Variants in LNX1 observed in about 807,000 individuals in gnomAD.
LNX1 encodes the protein ligand of numb-protein X 1, also known as E3 ubiquitin-protein ligase LNX.
In LNX1, 54 loss-of-function variants were observed where a neutral mutation model predicts 68.4. That is an observed-to-expected ratio of 0.79 (90% CI 0.63 to 0.99). The LOEUF (loss-of-function observed/expected upper bound fraction) is 0.99, where lower values mean the gene tolerates loss of function less well. Ranked by LOEUF, LNX1 falls within the 50% of genes least tolerant of loss-of-function variation. LNX1 has a pLI of 0.00. For synonymous variants in LNX1, 336 were observed against 350.0 expected (o/e 0.96, Z 0.45); for missense variants, 906 against 926.4 (o/e 0.98, Z 0.29).
At position 53,634,950 on chromosome 4, in the gene LNX1, C is replaced by T. The variant is rs116068599; in HGVS notation, c.-215+17218G>A. Among the ~76,000 whole-genome samples the T allele has an allele frequency of 6.5e-3, 982 of 152,036 alleles. 4 individuals are homozygous for T. Among genetic ancestry groups the T allele is most frequent in the African/African-American group, 0.022 (927 of 41,446 alleles). On this transcript the variant is annotated intron_variant, in intron 1 of 2. Transcript: ENST00000507168. ...AATTGATCCTCCTGCCTCAGCTTCCCATGTTGCTGGGACTACAGGTGCACA... is the reference window on the plus strand; with the variant it reads ...AATTGATCCTCCTGCCTCAGCTTCCTATGTTGCTGGGACTACAGGTGCACA...
intron 2 of LNX1, among the ~76,000 whole-genome samples, chr4:53,560,762 G>A (rs1730229555): frequency 6.6e-6 from 1 of 152,194 alleles, no homozygotes; most frequent in Non-Finnish European, 1.5e-5. Context: ...CAAAATCATA[G>A]TAATCCTGGG....
chr4:53,574,021 A>AG lies in LNX1; in HGVS notation c.-20_-19insC. 1 of 1,589,028 alleles carries AG rather than the reference A, an allele frequency of 6.3e-7. No homozygotes were observed. The highest frequency in any genetic ancestry group is 1.3e-5 in the African/African-American group (1 of 74,516). Reference sequence around the variant, plus strand: ...GGTTCATGATGGATTGGAGAGCAGTATAACAGGAAACTCAGTCACACAATA... The same window carrying AG: ...GGTTCATGATGGATTGGAGAGCAGTAGTAACAGGAAACTCAGTCACACAATA... On this transcript the variant is annotated 5_prime_UTR_variant, in exon 2 of 11. Coordinates refer to ENST00000263925, the MANE Select transcript of LNX1 (RefSeq NM_001126328.3).
chr4:53,485,371 T>C (rs985732789), intron 6 of LNX1, among the ~76,000 whole-genome samples: 7 of 152,214 alleles, frequency 4.6e-5, no homozygotes, highest in Non-Finnish European at 1.0e-4. Context: ...TCATAAGAAC[T>C]GAGAAAATTT....
chr4:53,651,105 G>A (rs1735079480), intron 1 of LNX1, among the ~76,000 whole-genome samples: 1 of 152,176 alleles, frequency 6.6e-6, no homozygotes, highest in Non-Finnish European at 1.5e-5. Context: ...CAAGAATCAA[G>A]AACAGACAGT....
At position 53,567,917 on chromosome 4, in the gene LNX1, A is replaced by C. The variant is rs565761531; in HGVS notation, c.380+5706T>G. On this transcript the variant is annotated intron_variant, in intron 2 of 10. Coordinates refer to ENST00000263925, the MANE Select transcript of LNX1 (RefSeq NM_001126328.3). ...CTAGAAGAAATGGATAAATTCCTTG[A>C]CACATACACTCTCCCAAGACTAAAC... Among the ~76,000 whole-genome samples the C allele has an allele frequency of 2.3e-4, 35 of 152,152 alleles. 1 individual carries two copies. The highest frequency in any genetic ancestry group is 7.7e-4 in the African/African-American group (32 of 41,420).
chr4:53,556,021 C>T (rs1729887046), intron 2 of LNX1, among the ~76,000 whole-genome samples: 2 of 152,040 alleles, frequency 1.3e-5, no homozygotes, highest in Admixed American at 1.3e-4. Flanking sequence ...AGTGGTGGCC[C>T]CCAAAAGATG....
intron 2 of LNX1, among the ~76,000 whole-genome samples, chr4:53,567,932 C>G (rs1378933664): frequency 3.9e-5 from 6 of 151,952 alleles, no homozygotes; most frequent in Non-Finnish European, 8.8e-5. Flanking sequence ...TACACTCTCC[C>G]AAGACTAAAC....
chr4:53,532,622 C>A (rs1187466851), intron 2 of LNX1, among the ~76,000 whole-genome samples: 1 of 152,166 alleles, frequency 6.6e-6, no homozygotes, highest in Non-Finnish European at 1.5e-5. Context: ...GGAAATTCTC[C>A]TCATGCCAGT....
chr4:53,651,836 C>T (rs1386761924), intron 1 of LNX1, among the ~76,000 whole-genome samples: 1 of 152,176 alleles, frequency 6.6e-6, no homozygotes, highest in Admixed American at 6.5e-5. Context: ...GGAATACTTA[C>T]ATTTTTACTG....
chr4:53,536,755 T>G (rs1039653426), intron 2 of LNX1, among the ~76,000 whole-genome samples: 1 of 152,226 alleles, frequency 6.6e-6, no homozygotes, highest in Non-Finnish European at 1.5e-5. Flanking sequence ...CACTCCTTTG[T>G]TTTTCTATAA....
intron 4 of LNX1, among the ~76,000 whole-genome samples, chr4:53,506,154 A>T (rs780598247): frequency 1.3e-5 from 2 of 152,146 alleles, no homozygotes; most frequent in Non-Finnish European, 2.9e-5. Flanking sequence ...GAACCAGAGG[A>T]CCTGATTTAA....
At chr4:53,497,770 C>T (rs1047829881) in intron 5 of LNX1, among the ~76,000 whole-genome samples, 17 of 152,216 alleles carry the variant, frequency 1.1e-4, no homozygotes, top group Non-Finnish European at 1.9e-4. Flanking sequence ...TGCTCCACCT[C>T]GGAGGCCAGC....
rs1246863059 is a variant in LNX1 at position 53,520,077 on chromosome 4, G to T, written c.381-11850C>A. ...TCTGTCCCCACGTTTAGTAGAAACA[G>T]AAGCTAGTTTTGGAGGAGCTTTGTG... On this transcript the variant is annotated intron_variant, in intron 2 of 10. Coordinates refer to ENST00000263925, the MANE Select transcript of LNX1 (RefSeq NM_001126328.3). Among the ~76,000 whole-genome samples, 4 of 152,334 alleles carry T rather than the reference G, an allele frequency of 2.6e-5. No homozygotes were observed. The South Asian group carries it at 6.2e-4, about 24-fold the overall frequency.
At chr4:53,650,927 T>C (rs1735074683) in intron 1 of LNX1, among the ~76,000 whole-genome samples, 1 of 152,210 alleles carries the variant, frequency 6.6e-6, no homozygotes, top group South Asian at 2.1e-4. Flanking sequence ...ATATTTATTG[T>C]GCAGTTGTTA....
chr4:53,554,644 G>A (rs1213695491), intron 2 of LNX1, among the ~76,000 whole-genome samples: 3 of 152,174 alleles, frequency 2.0e-5, no homozygotes, highest in South Asian at 4.1e-4. Flanking sequence ...ACAAGGTCAG[G>A]AGTTCAAGAC....
intron 2 of LNX1, among the ~76,000 whole-genome samples, chr4:53,600,898 T>C (rs1449340490): frequency 6.8e-6 from 1 of 147,628 alleles, no homozygotes; most frequent in African/African-American, 2.5e-5. Context: ...ACCTGGCTAA[T>C]GAAACCCCAT....
At chr4:53,485,507 T>C (rs909492771) in intron 6 of LNX1, among the ~76,000 whole-genome samples, 1 of 152,216 alleles carries the variant, frequency 6.6e-6, no homozygotes, top group African/African-American at 2.4e-5. Context: ...CTGGCTTTGG[T>C]ATTAAGTTGT....
At chr4:53,602,621 C>T (rs937023630) in intron 2 of LNX1, among the ~76,000 whole-genome samples, 12 of 152,146 alleles carry the variant, frequency 7.9e-5, no homozygotes, top group Admixed American at 2.0e-4. Flanking sequence ...GGCCTTTACA[C>T]GTGGTGACTA....
intron 2 of LNX1, among the ~76,000 whole-genome samples, chr4:53,605,249 C>T (rs1438693368): frequency 6.6e-6 from 1 of 152,162 alleles, no homozygotes; most frequent in Admixed American, 6.5e-5. Context: ...AAAATACAAT[C>T]TACTGCAACA....
Sources: allele counts gnomAD v4.1 joint callset (sites outside exome capture counted in the v4.1 genomes callset), GRCh38; gene constraint gnomAD v4.1.1; transcripts MANE v1.5; gene names NCBI Gene and HGNC (gene_info 2026-07-23, HGNC 2026-07-21).